The following ZBED4 variants were observed in gnomAD, a reference collection of about 807,000 sequenced individuals.
The protein encoded by ZBED4 is zinc finger BED domain-containing protein 4.
ZBED4 carries 4 observed loss-of-function variants against 15.5 expected under a neutral mutation model. The observed-to-expected ratio is 0.26, with a 90% CI of 0.13 to 0.59. The LOEUF (loss-of-function observed/expected upper bound fraction) is 0.59, where lower values mean the gene tolerates loss of function less well. Among genes scored for constraint, ZBED4 ranks in the 20% least tolerant of loss-of-function variants. The pLI is 0.90. For synonymous variants in ZBED4, 692 were observed against 608.5 expected (o/e 1.14, Z -2.02); for missense variants, 1,323 against 1,461.8 (o/e 0.91, Z 1.55).
chr22:49,865,643 C>A (rs1036029819), intron 1 of ZBED4, among the ~76,000 whole-genome samples: 2 of 152,054 alleles, frequency 1.3e-5, no homozygotes, highest in Non-Finnish European at 2.9e-5. Context: ...CCACTGCACT[C>A]CAGTCTGGGC....
intron 1 of ZBED4, among the ~76,000 whole-genome samples, chr22:49,879,143 CAAAAAAA>C (rs956422385): frequency 5.5e-5 from 7 of 127,952 alleles, no homozygotes; most frequent in African/African-American, 1.1e-4. Flanking sequence ...GACTCCATCT[CAAAAAAA>C]AAACAAAAAA....
intron 1 of ZBED4, among the ~76,000 whole-genome samples, chr22:49,861,299 G>A (rs1253677483): frequency 2.0e-5 from 3 of 152,096 alleles, no homozygotes; most frequent in East Asian, 1.9e-4. Flanking sequence ...CCGCCACCAC[G>A]CCCAGCTAAT....
chr22:49,875,311 A>G (rs748127622), intron 1 of ZBED4, among the ~76,000 whole-genome samples: 5 of 151,846 alleles, frequency 3.3e-5, no homozygotes, highest in East Asian at 1.9e-4. Context: ...TTTTTCAACT[A>G]TAAGTTCAAT....
chr22:49,877,258 ATTATTTATTTATTTATTTATTTATTTAT>A (rs200275015), intron 1 of ZBED4, among the ~76,000 whole-genome samples: 5 of 144,738 alleles, frequency 3.5e-5, no homozygotes, highest in South Asian at 2.2e-4. Context: ...AAACAGCTTT[ATTATTTATTTATTTATTTATTTATTTAT>A]TTATTTATTT....
intron 1 of ZBED4, among the ~76,000 whole-genome samples, chr22:49,859,490 G>A (rs1419892094): frequency 5.3e-5 from 8 of 151,992 alleles, no homozygotes; most frequent in Admixed American, 2.0e-4. Flanking sequence ...CTGGCCCAGT[G>A]TCCCAGGCTC....
intron 1 of ZBED4, among the ~76,000 whole-genome samples, chr22:49,856,821 G>C (rs9628154): frequency 6.7e-6 from 1 of 148,196 alleles, no homozygotes; most frequent in African/African-American, 2.6e-5. Context: ...GGCCGCGCTG[G>C]AATCCCGGCC....
chr22:49,886,834 T>A lies in ZBED4; in HGVS notation c.3172T>A (p.Ser1058Thr), dbSNP rs201264934. 85 of 1,613,800 alleles carry A rather than the reference T, an allele frequency of 5.3e-5. No homozygotes were observed. Among genetic ancestry groups the A allele is most frequent in the Non-Finnish European group, 6.7e-5 (79 of 1,180,002 alleles). ...RCDAGSPSKD[S>T]AAEENLWSLV... ...TGATGCTGGCTCCCCGTCGAAAGAC[T>A]CTGCCGCAGAGGAGAACCTGTGGTC... is the stretch of plus-strand genomic sequence containing the variant. The change falls in exon 2 of 2, where the codon TCT (serine) becomes ACT (threonine). Residue 1058 changes from serine (S) to threonine (T), a missense_variant. This residue lies in a region of ZBED4 where 312 missense variants were observed against 410.7 expected (regional missense o/e 0.76). Transcript: ENST00000216268. This position sits in a 1 kb window ranked among gnomAD's most constrained non-coding sequence, Gnocchi z 7.7.
upstream of ZBED4, among the ~76,000 whole-genome samples, chr22:49,853,539 C>A (rs146886331): frequency 2.6e-5 from 4 of 152,182 alleles, no homozygotes; most frequent in Non-Finnish European, 4.4e-5. Flanking sequence ...GAAACCAAGG[C>A]GCCCGCGCCC....
intron 1 of ZBED4, among the ~76,000 whole-genome samples, chr22:49,871,980 G>A (rs1452853125): frequency 2.0e-5 from 3 of 152,026 alleles, no homozygotes; most frequent in Non-Finnish European, 2.9e-5. Flanking sequence ...TCTTCACCTC[G>A]TGATCCGCCT....
intron 1 of ZBED4, among the ~76,000 whole-genome samples, chr22:49,862,224 G>C (rs5770724): frequency 0.92 from 140,478 of 152,338 alleles, 64,877 homozygotes; most frequent in African/African-American, 0.98. Context: ...AACCTATACG[G>C]AGCGGCCCCA....
rs753989665 is a variant in ZBED4, at chr22:49,885,114, C to T, written c.1452C>T (p.Ile484=). ...AGTGTCGGTACTGCGGCTGTGCCAT[C>T]AGCCGGGGGAAGAAGGGTGATGTGG... The part of the protein sequence containing the change: ...KAECRYCGCA[I]SRGKKGDVGT... Residue 484 remains isoleucine, a synonymous_variant, in exon 2 of 2, where the codon ATC becomes ATT. Coordinates refer to ENST00000216268, the MANE Select transcript of ZBED4 (RefSeq NM_014838.3). 2.7e-5 allele frequency: 44 copies of T among 1,614,036 alleles called. No individual in the cohort carries two copies. In the East Asian group the frequency reaches 7.8e-4, roughly 29 times the overall value.
intron 1 of ZBED4, among the ~76,000 whole-genome samples, chr22:49,860,319 C>CA (rs1166364309): frequency 6.6e-6 from 1 of 152,028 alleles, no homozygotes; most frequent in South Asian, 2.1e-4. Flanking sequence ...CAAAACAAAA[C>CA]AAAAAATACA....
Position 49,889,676 on chromosome 22 carries a change from C to T in ZBED4, c.*2498C>T, listed in dbSNP as rs140154294. ...TTCGTTGGTGGACATTTGTTGAAAC[C>T]GGCACTCAATGGTCAAACCGTCTCT... On this transcript the variant is annotated 3_prime_UTR_variant, in exon 2 of 2. Transcript: ENST00000216268. 1.1e-4 allele frequency: 19 copies of T among 167,252 alleles called. No individual in the cohort carries two copies. The highest frequency in any genetic ancestry group is 2.1e-4 in the South Asian group (1 of 4,816). The allele number at this position is 167,252 out of a possible 1,614,324, so 10.4% of individuals were successfully genotyped here.
chr22:49,855,052 C>T (rs2060269085), intron 1 of ZBED4, among the ~76,000 whole-genome samples: 1 of 152,120 alleles, frequency 6.6e-6, no homozygotes, highest in Non-Finnish European at 1.5e-5. Flanking sequence ...ATTGCAATTA[C>T]TAAACAAAGT....
chr22:49,876,386 G>T (rs780117197), intron 1 of ZBED4, among the ~76,000 whole-genome samples: 2 of 152,140 alleles, frequency 1.3e-5, no homozygotes, highest in Admixed American at 6.6e-5. Flanking sequence ...ATCTCCATCC[G>T]TGATGGTGAC....
intron 1 of ZBED4, among the ~76,000 whole-genome samples, chr22:49,877,392 AAT>A (rs1349965142): frequency 1.3e-5 from 2 of 151,964 alleles, no homozygotes; most frequent in African/African-American, 4.8e-5. Flanking sequence ...CCCAGGCTCA[AAT>A]GATTCTCCTG....
chr22:49,870,611 C>T (rs1401181181), intron 1 of ZBED4, among the ~76,000 whole-genome samples: 1 of 152,064 alleles, frequency 6.6e-6, no homozygotes, highest in Non-Finnish European at 1.5e-5. Flanking sequence ...CTGTTGGCCA[C>T]TTTTATGTCT....
At chr22:49,866,131 A>G (rs2060321601) in intron 1 of ZBED4, among the ~76,000 whole-genome samples, 1 of 23,368 alleles carries the variant, frequency 4.3e-5, no homozygotes, top group South Asian at 9.4e-4. Context: ...CTGAGAGCCC[A>G]AAGGATTTAA....
chr22:49,869,265 T>G (rs1014882782), intron 1 of ZBED4, among the ~76,000 whole-genome samples: 4 of 152,182 alleles, frequency 2.6e-5, no homozygotes, highest in Non-Finnish European at 5.9e-5. Context: ...TGTGTGTGTT[T>G]ATGGGTTCTA....
Sources: gnomAD v4.1 joint callset for allele counts (sites outside exome capture counted in the v4.1 genomes callset) on GRCh38, gnomAD v4.1.1 for gene constraint, gnomAD v4.1.1 regional missense constraint, Gnocchi (gnomAD v3.1) non-coding constraint, MANE v1.5 for transcripts, NCBI Gene and HGNC (gene_info 2026-07-23, HGNC 2026-07-21) for gene names.